The following PHEX variants were observed in gnomAD, a reference collection of about 807,000 sequenced individuals.
The protein encoded by PHEX is phosphate-regulating neutral endopeptidase PHEX.
Under a neutral mutation model 68.0 loss-of-function variants are expected in PHEX, and 16 were observed. The ratio of observed to expected loss-of-function variants is 0.24; its 90% confidence interval spans 0.16 to 0.36. The LOEUF (loss-of-function observed/expected upper bound fraction) is 0.36. PHEX is among the 10% of genes least tolerant of loss of function. The pLI is 1.00. For synonymous variants in PHEX, 208 were observed against 205.1 expected, an observed-to-expected ratio of 1.01 and a Z score of -0.12; for missense variants, 480 against 575.5, an observed-to-expected ratio of 0.83 and a Z score of 1.70.
intron 12 of PHEX, among the ~76,000 whole-genome samples, chrX:22,150,064 T>C (rs1208173730): frequency 9.0e-6 from 1 of 111,621 alleles, no homozygotes; most frequent in Non-Finnish European, 1.9e-5. Flanking sequence ...CATGTGACCT[T>C]TTGAGTAGGA....
chrX:22,164,142 T>A (rs957758206), intron 12 of PHEX, among the ~76,000 whole-genome samples: 1 of 111,795 alleles, frequency 8.9e-6, no homozygotes, highest in Non-Finnish European at 1.9e-5. Flanking sequence ...TGCCTATGAG[T>A]GCTTCTCATT....
chrX:22,060,182 T>C (rs1375592820), intron 3 of PHEX, among the ~76,000 whole-genome samples: 1 of 109,802 alleles, frequency 9.1e-6, no homozygotes, highest in African/African-American at 3.3e-5. Context: ...AGTCAATTCT[T>C]ATTCGAAGTG....
At chrX:22,231,102 C>G (rs1935718941) in intron 20 of PHEX, among the ~76,000 whole-genome samples, 1 of 112,586 alleles carries the variant, frequency 8.9e-6, no homozygotes, top group African/African-American at 3.2e-5. Flanking sequence ...AGCCTTGCAT[C>G]CCATGTATGA....
Position 22,197,535 on chromosome X carries a change from A to G in PHEX, c.1645+7033A>G, listed in dbSNP as rs1302600813. 2.7e-5 allele frequency among the ~76,000 whole-genome samples: 3 copies of G among 110,985 alleles called. No individual in the cohort carries two copies. In the East Asian group the frequency reaches 8.5e-4, roughly 31 times the overall value. On this transcript the variant is annotated intron_variant, in intron 15 of 21. Transcript: ENST00000379374. ...GGGCCCCCTGCTCATTAGGAGTACC[A>G]TGTGAGTGCGCCATCTTGGAAGTAG... is the stretch of plus-strand genomic sequence containing the variant.
chrX:22,093,108 C>G (rs1353268946), intron 6 of PHEX, among the ~76,000 whole-genome samples: 1 of 111,888 alleles, frequency 8.9e-6, no homozygotes, highest in Non-Finnish European at 1.9e-5. Flanking sequence ...TTAAAGGCCT[C>G]CTGTATGCTA....
chrX:22,240,703 G>C (rs1397800480), intron 20 of PHEX, among the ~76,000 whole-genome samples: 2 of 112,006 alleles, frequency 1.8e-5, no homozygotes, highest in Non-Finnish European at 3.8e-5. Flanking sequence ...GCAGCATGAA[G>C]AGCTAACTAT....
intron 3 of PHEX, among the ~76,000 whole-genome samples, chrX:22,047,961 T>C (rs1015161828): frequency 9.0e-6 from 1 of 110,944 alleles, no homozygotes; most frequent in Non-Finnish European, 1.9e-5. Flanking sequence ...TATGGTTTTT[T>C]TTTTTGGCTC....
intron 15 of PHEX, among the ~76,000 whole-genome samples, chrX:22,195,466 G>C (rs1260146193): frequency 9.1e-6 from 1 of 109,655 alleles, no homozygotes; most frequent in African/African-American, 3.3e-5. Context: ...TTGGTGGCAG[G>C]CGCCTGTAAT....
intron 17 of PHEX, among the ~76,000 whole-genome samples, chrX:22,221,013 A>G (rs1454065455): frequency 8.9e-6 from 1 of 111,831 alleles, no homozygotes; most frequent in Non-Finnish European, 1.9e-5. Flanking sequence ...TCTTATTCCA[A>G]GTTTTCTTTT....
intron 3 of PHEX, among the ~76,000 whole-genome samples, chrX:22,060,390 A>T: frequency 9.0e-6 from 1 of 110,989 alleles, no homozygotes; most frequent in Non-Finnish European, 1.9e-5. Context: ...GCTGGGAGCT[A>T]AGTCCTAAGG....
chrX:22,123,326 G>A (rs1434934889), intron 11 of PHEX, among the ~76,000 whole-genome samples: 3 of 110,786 alleles, frequency 2.7e-5, no homozygotes, highest in Admixed American at 1.9e-4. Flanking sequence ...CACACAGTAA[G>A]GGGTGTGGAT....
intron 20 of PHEX, among the ~76,000 whole-genome samples, chrX:22,241,599 C>T (rs761816180): frequency 1.3e-4 from 15 of 111,456 alleles, no homozygotes; most frequent in South Asian, 3.8e-4. Context: ...ACATCACCAC[C>T]GATCCCACAG....
chrX:22,224,015 C>T (rs1413613444), intron 18 of PHEX, among the ~76,000 whole-genome samples: 1 of 112,348 alleles, frequency 8.9e-6, no homozygotes, highest in Non-Finnish European at 1.9e-5. Context: ...CAGCGTCTCG[C>T]TGAGTCACCC....
At chrX:22,241,930 G>C (rs1936214055) in intron 20 of PHEX, among the ~76,000 whole-genome samples, 1 of 111,819 alleles carries the variant, frequency 8.9e-6, no homozygotes, top group South Asian at 3.8e-4. Context: ...CATTTTATGA[G>C]GCCAGCGTGA....
intron 9 of PHEX, among the ~76,000 whole-genome samples, chrX:22,109,985 A>T (rs1004232901): frequency 1.4e-4 from 16 of 112,096 alleles, no homozygotes; most frequent in Admixed American, 6.7e-4. Flanking sequence ...AAAAATAAAG[A>T]TAAAATCACA....
At chrX:22,235,147 C>T (rs192107873) in intron 20 of PHEX, among the ~76,000 whole-genome samples, 1 of 111,800 alleles carries the variant, frequency 8.9e-6, no homozygotes, top group African/African-American at 3.3e-5. Flanking sequence ...TCGGCTTGCC[C>T]TCTGTGGCCT....
rs59778211 is a variant in PHEX, at chrX:22,221,763, A to AG, written c.1899+26dup. The AG allele has an allele frequency of 2.5e-6, 3 of 1,192,328 alleles. No individual in the cohort carries two copies. Among genetic ancestry groups the AG allele is most frequent in the South Asian group, 3.5e-5 (2 of 56,523 alleles). On this transcript the variant is annotated intron_variant, in intron 18 of 21. Coordinates refer to ENST00000379374, the MANE Select transcript of PHEX (RefSeq NM_000444.6). ...TTAAATGTGAGTACAACTGTGGCTA[A>AG]GGGGGGCACCTTGTGGTTCATTTTT...
At chrX:22,163,434 A>C (rs1226748762) in intron 12 of PHEX, 1 of 111,229 alleles carries the variant, frequency 9.0e-6, no homozygotes, top group Non-Finnish European at 1.9e-5. Context: ...GTTTATTTCA[A>C]AAAGTTAAGT....
At chrX:22,196,663 GT>G (rs755752385) in intron 15 of PHEX, among the ~76,000 whole-genome samples, 136 of 112,272 alleles carry the variant, frequency 1.2e-3, no homozygotes, top group Non-Finnish European at 2.2e-3. Context: ...TAAGTATTTG[GT>G]TTTTATTTTC....
Sources: allele counts gnomAD v4.1 joint callset (sites outside exome capture counted in the v4.1 genomes callset), GRCh38; gene constraint gnomAD v4.1.1; transcripts MANE v1.5; gene names NCBI Gene and HGNC (gene_info 2026-07-23, HGNC 2026-07-21).